NFAT5: variants seen among roughly 807,000 people sequenced by gnomAD.
NFAT5 encodes nuclear factor of activated T cells 5, also known as nuclear factor of activated T-cells 5.
Under a neutral mutation model 166.5 loss-of-function variants are expected in NFAT5, and 31 were observed. That is an observed-to-expected ratio of 0.19 (90% confidence interval 0.14 to 0.25). The LOEUF is 0.25. Ranked by LOEUF, NFAT5 falls within the 10% of genes least tolerant of loss-of-function variation. The pLI is 1.00. For synonymous variants in NFAT5, 612 were observed against 639.7 expected (o/e 0.96, Z 0.65); for missense variants, 1,449 against 1,821.8 (o/e 0.80, Z 3.72).
intron 14 of NFAT5, chr16:69,695,795 A>C: frequency 6.1e-6 from 1 of 163,388 alleles, no homozygotes; most frequent in Admixed American, 5.8e-5. Context: ...TCTCAAGTGG[A>C]AAATTCCACA....
chr16:69,571,737 C>T (rs551359480), intron 2 of NFAT5, among the ~76,000 whole-genome samples: 16 of 151,342 alleles, frequency 1.1e-4, no homozygotes, highest in African/African-American at 3.9e-4. Context: ...AAAACCTGCA[C>T]TTGGGTATTA....
At chr16:69,639,618 T>C (rs189097351) in intron 3 of NFAT5, among the ~76,000 whole-genome samples, 10 of 152,264 alleles carry the variant, frequency 6.6e-5, no homozygotes, top group Non-Finnish European at 1.3e-4. Flanking sequence ...GTAGCATGTA[T>C]CATTAAAAGT....
chr16:69,587,944 C>CTTTTTTTT (rs61460423), intron 2 of NFAT5, among the ~76,000 whole-genome samples: 3 of 68,232 alleles, frequency 4.4e-5, no homozygotes, highest in Non-Finnish European at 5.8e-5. Context: ...ATAGTGCTTT[C>CTTTTTTTT]TTTTTTTTTT....
rs753805917 is a variant in NFAT5 at position 69,684,883 on chromosome 16, AT to A, written c.1691-3del. ...GATAAATACATTAATCTTTTTTTTA[AT>A]AGCAGCAGCTGGTGCTTTGAATGTA... On this transcript the variant is annotated splice_polypyrimidine_tract_variant and splice_region_variant and intron_variant, in intron 10 of 14. Transcript: ENST00000349945. 1.3e-6 allele frequency: 2 copies of A among 1,591,220 alleles called. No homozygotes were observed. Among genetic ancestry groups the A allele is most frequent in the Admixed American group, 3.6e-5 (2 of 56,144 alleles).
intron 2 of NFAT5, among the ~76,000 whole-genome samples, chr16:69,574,431 A>G (rs2016621260): frequency 6.6e-6 from 1 of 152,202 alleles, no homozygotes; most frequent in South Asian, 2.1e-4. Flanking sequence ...TGTTAATAAA[A>G]GTCAAGTTTA....
At chr16:69,665,394 C>T (rs867567831) in intron 7 of NFAT5, among the ~76,000 whole-genome samples, 7 of 122,276 alleles carry the variant, frequency 5.7e-5, no homozygotes, top group African/African-American at 1.3e-4. Flanking sequence ...TGTTTGCAGA[C>T]GACATGATTG....
chr16:69,659,138 T>A (rs1000657704), intron 6 of NFAT5, among the ~76,000 whole-genome samples: 54 of 151,838 alleles, frequency 3.6e-4, no homozygotes, highest in Non-Finnish European at 6.3e-4. Context: ...ATTTTTTTTT[T>A]TTTTTTAAAA....
chr16:69,575,017 C>G (rs1298030076), intron 2 of NFAT5, among the ~76,000 whole-genome samples: 1 of 151,994 alleles, frequency 6.6e-6, no homozygotes, highest in Non-Finnish European at 1.5e-5. Flanking sequence ...AGGTAATGAT[C>G]ATTATTGCTT....
intron 10 of NFAT5, 59 bp from the exon 11 acceptor site, chr16:69,684,828 G>A: frequency 9.2e-7 from 1 of 1,090,952 alleles, no homozygotes; most frequent in South Asian, 1.5e-5. Flanking sequence ...AAGAATTTAA[G>A]ATACGAGGTT....
chr16:69,662,450 CT>C (rs539200298), intron 7 of NFAT5, among the ~76,000 whole-genome samples: 5,344 of 97,008 alleles, frequency 0.055, 38 homozygotes, highest in Middle Eastern at 0.1. Flanking sequence ...ACACCTCTTT[CT>C]TTTTTTTTTT....
chr16:69,582,204 G>A (rs999600901), intron 2 of NFAT5, among the ~76,000 whole-genome samples: 12 of 152,152 alleles, frequency 7.9e-5, no homozygotes, highest in African/African-American at 2.9e-4. Flanking sequence ...GGGGGATGTT[G>A]CAGTGAGTCG....
chr16:69,680,057 G>T (rs1336982056), intron 10 of NFAT5, among the ~76,000 whole-genome samples: 1 of 152,174 alleles, frequency 6.6e-6, no homozygotes, highest in East Asian at 1.9e-4. Context: ...GGCAGAGCTT[G>T]CAGTGAGCTG....
At chr16:69,691,116 C>T in intron 12 of NFAT5, 28 bp downstream of exon 12, 1 of 1,481,474 alleles carries the variant, frequency 6.8e-7, no homozygotes, top group South Asian at 1.5e-5. Flanking sequence ...GTGCACAAAC[C>T]TCCTATATAA....
At chr16:69,588,720 TTA>T (rs904285318) in intron 2 of NFAT5, among the ~76,000 whole-genome samples, 5 of 152,194 alleles carry the variant, frequency 3.3e-5, no homozygotes, top group African/African-American at 1.2e-4. Flanking sequence ...ATCATTTATT[TTA>T]TGAGTAAAAT....
intron 3 of NFAT5, among the ~76,000 whole-genome samples, chr16:69,642,115 GA>G (rs1251386430): frequency 6.6e-6 from 1 of 151,960 alleles, no homozygotes; most frequent in Admixed American, 6.6e-5. Flanking sequence ...AAACAAAAAA[GA>G]AAGTAAAGAA....
intron 5 of NFAT5, 40 bp from the exon 6 acceptor site, chr16:69,655,569 A>T: frequency 1.4e-6 from 2 of 1,409,746 alleles, no homozygotes; most frequent in Non-Finnish European, 1.9e-6. Flanking sequence ...ATTATTTGAA[A>T]TACTAATTAG....
rs1298055147 is a variant in NFAT5 at position 69,700,006 on chromosome 16, T to G, written c.*3655T>G. 6.6e-6 allele frequency: 1 copy of G among 152,202 alleles called. No individual in the cohort carries two copies. The highest frequency in any genetic ancestry group is 2.4e-5 in the African/African-American group (1 of 41,440). The allele number at this position is 152,202 out of a possible 1,614,324, so 9.4% of individuals were successfully genotyped here. The stretch of plus-strand genomic sequence containing the variant: ...TCATGTTATTTAGCCAATGCAAATC[T>G]GTTTTAAAACAAATAGTTTAAAAAA... On this transcript the variant is annotated 3_prime_UTR_variant, in exon 15 of 15. Coordinates refer to ENST00000349945, the MANE Select transcript of NFAT5 (RefSeq NM_138713.4).
chr16:69,596,221 A>G (rs1411341238), intron 2 of NFAT5, among the ~76,000 whole-genome samples: 1 of 152,200 alleles, frequency 6.6e-6, no homozygotes, highest in African/African-American at 2.4e-5. Context: ...TATTTAGATT[A>G]TAAGAGACTG....
At chr16:69,636,596 C>G (rs972509444) in intron 3 of NFAT5, among the ~76,000 whole-genome samples, 1 of 152,216 alleles carries the variant, frequency 6.6e-6, no homozygotes, top group Non-Finnish European at 1.5e-5. Flanking sequence ...TGTGCACCCA[C>G]AGGCTCAACA....
Sources: allele counts gnomAD v4.1 joint callset (sites outside exome capture counted in the v4.1 genomes callset), GRCh38; gene constraint gnomAD v4.1.1; transcripts MANE v1.5; gene names NCBI Gene and HGNC (gene_info 2026-07-23, HGNC 2026-07-21).